Variants in MAGI1 observed in about 807,000 individuals in gnomAD.
MAGI1 encodes membrane associated guanylate kinase, WW and PDZ domain containing 1.
Under a neutral mutation model 139.9 loss-of-function variants are expected in MAGI1, and 58 were observed. That is an observed-to-expected ratio of 0.41 (90% CI 0.34 to 0.52). The LOEUF (loss-of-function observed/expected upper bound fraction) is 0.52, where lower values mean the gene tolerates loss of function less well. Among genes scored for constraint, MAGI1 ranks in the 20% least tolerant of loss-of-function variants. The probability of loss-of-function intolerance (pLI) is 0.12; values close to 1 mark genes in which losing one functional copy is unlikely to be tolerated. For missense variants in MAGI1, 1,874 were observed against 1,901.6 expected, an observed-to-expected ratio of 0.99 and a Z score of 0.27; for synonymous variants, 812 against 737.9, an observed-to-expected ratio of 1.10 and a Z score of -1.63.
intron 1 of MAGI1, among the ~76,000 whole-genome samples, chr3:65,911,421 C>T (rs745985329): frequency 1.3e-5 from 2 of 152,206 alleles, no homozygotes; most frequent in East Asian, 3.9e-4. Flanking sequence ...AGCTGCCCAG[C>T]GTCCACCTTT....
chr3:65,538,912 A>G (rs2079078754), intron 2 of MAGI1, among the ~76,000 whole-genome samples: 1 of 152,104 alleles, frequency 6.6e-6, no homozygotes, highest in Non-Finnish European at 1.5e-5. Flanking sequence ...ACACCGGCAA[A>G]CAGAAACACA....
At chr3:65,404,480 C>T (rs530734358) in intron 12 of MAGI1, among the ~76,000 whole-genome samples, 6 of 152,194 alleles carry the variant, frequency 3.9e-5, no homozygotes, top group Non-Finnish European at 7.4e-5. Flanking sequence ...TTTTAAAAAG[C>T]CACACCTTTT....
At chr3:65,457,151 C>A (rs1366975016) in intron 5 of MAGI1, among the ~76,000 whole-genome samples, 1 of 152,006 alleles carries the variant, frequency 6.6e-6, no homozygotes, top group East Asian at 1.9e-4. Context: ...ACATCTCTAT[C>A]AATTCTGAGT....
chr3:65,376,013 G>C (rs1942486988), intron 17 of MAGI1, 68 bp from the exon 18 acceptor site: 4 of 1,158,132 alleles, frequency 3.5e-6, no homozygotes, highest in Middle Eastern at 4.1e-4. Flanking sequence ...AGAGAAAAAG[G>C]GTTGAAAAGG....
chr3:65,445,863 G>A (rs1948644685), intron 7 of MAGI1, among the ~76,000 whole-genome samples: 1 of 152,174 alleles, frequency 6.6e-6, no homozygotes, highest in African/African-American at 2.4e-5. Context: ...GGGTTTCCTT[G>A]TCACATCTGG....
chr3:65,732,782 A>G (rs1359352930), intron 1 of MAGI1, among the ~76,000 whole-genome samples: 3 of 152,196 alleles, frequency 2.0e-5, no homozygotes, highest in Admixed American at 6.5e-5. Flanking sequence ...CACTTCCTGG[A>G]GTTTGTACTA....
At chr3:65,453,121 A>G in intron 6 of MAGI1, 137 bp downstream of exon 6, 1 of 718,324 alleles carries the variant, frequency 1.4e-6, no homozygotes, top group South Asian at 1.6e-5. Flanking sequence ...TGTAAACCAC[A>G]GTCCATTTAG....
At chr3:65,728,497 A>C (rs900169091) in intron 1 of MAGI1, among the ~76,000 whole-genome samples, 3 of 152,200 alleles carry the variant, frequency 2.0e-5, no homozygotes, top group Admixed American at 6.5e-5. Flanking sequence ...CAAGAAGAAA[A>C]GCTGAAAAGA....
chr3:65,359,633 T>C, intron 22 of MAGI1: 1 of 992,718 alleles, frequency 1.0e-6, no homozygotes, highest in Non-Finnish European at 1.2e-6. Flanking sequence ...TAACATATTA[T>C]AACCCATTTG....
chr3:65,739,312 G>C (rs2035056911), intron 1 of MAGI1, among the ~76,000 whole-genome samples: 1 of 152,156 alleles, frequency 6.6e-6, no homozygotes, highest in Non-Finnish European at 1.5e-5. Flanking sequence ...TCACAGAACT[G>C]GGGAGTTAGG....
chr3:65,680,855 C>T (rs954201578), intron 1 of MAGI1, among the ~76,000 whole-genome samples: 2 of 152,136 alleles, frequency 1.3e-5, no homozygotes, highest in African/African-American at 2.4e-5. Context: ...ACCAGGCACA[C>T]ATACTAGAAT....
At chr3:65,877,484 T>TC (rs2060161144) in intron 1 of MAGI1, among the ~76,000 whole-genome samples, 1 of 152,098 alleles carries the variant, frequency 6.6e-6, no homozygotes, top group African/African-American at 2.4e-5. Flanking sequence ...GTAGAGAGGT[T>TC]CCCCAGAGAT....
chr3:65,514,224 T>A (rs2077742787), intron 2 of MAGI1, among the ~76,000 whole-genome samples: 1 of 150,178 alleles, frequency 6.7e-6, no homozygotes, highest in East Asian at 2.0e-4. Flanking sequence ...AACCTAGGCA[T>A]TACCATTCAG....
intron 1 of MAGI1, among the ~76,000 whole-genome samples, chr3:65,623,492 C>T (rs879288369): frequency 6.6e-6 from 1 of 152,154 alleles, no homozygotes; most frequent in East Asian, 1.9e-4. Context: ...GAGAAAGATG[C>T]TTCAATGACA....
intron 1 of MAGI1, among the ~76,000 whole-genome samples, chr3:65,827,700 A>G (rs187264936): frequency 3.3e-5 from 5 of 152,326 alleles, no homozygotes; most frequent in Admixed American, 3.3e-4. Context: ...CTCCTACAAT[A>G]AAGTCCCAAG....
intron 1 of MAGI1, among the ~76,000 whole-genome samples, chr3:65,970,503 G>A (rs1288321200): frequency 6.7e-6 from 1 of 150,022 alleles, no homozygotes; most frequent in Non-Finnish European, 1.5e-5. Flanking sequence ...TTTGTGTCAG[G>A]TATACTTTAC....
chr3:65,734,519 G>GAGAGAAAGAA (rs1451038440), intron 1 of MAGI1, among the ~76,000 whole-genome samples: 50 of 149,064 alleles, frequency 3.4e-4, no homozygotes, highest in Admixed American at 6.0e-4. Context: ...GAGAAAGAAA[G>GAGAGAAAGAA]AGAGAAAGAG....
At chr3:65,484,391 G>A (rs1348775911) in intron 3 of MAGI1, among the ~76,000 whole-genome samples, 2 of 152,110 alleles carry the variant, frequency 1.3e-5, no homozygotes, top group Admixed American at 1.3e-4. Flanking sequence ...GGATGGTAGT[G>A]ACCACCTATG....
chr3:65,515,679 A>C (rs1012877344), intron 2 of MAGI1, among the ~76,000 whole-genome samples: 1 of 152,214 alleles, frequency 6.6e-6, no homozygotes, highest in Non-Finnish European at 1.5e-5. Flanking sequence ...AAGTATCCAA[A>C]GTCTATGGCA....
Sources: allele counts gnomAD v4.1 joint callset (sites outside exome capture counted in the v4.1 genomes callset), GRCh38; gene constraint gnomAD v4.1.1; transcripts MANE v1.5; gene names NCBI Gene and HGNC (gene_info 2026-07-23, HGNC 2026-07-21).